CDH12: variants seen among roughly 807,000 people sequenced by gnomAD.
The protein encoded by CDH12 is cadherin-12.
Under a neutral mutation model 74.1 loss-of-function variants are expected in CDH12, and 41 were observed. That is an observed-to-expected ratio of 0.55 (90% CI 0.43 to 0.72). The LOEUF is 0.72. Among genes scored for constraint, CDH12 ranks in the 30% least tolerant of loss-of-function variants. The probability of loss-of-function intolerance (pLI) is 0.00; values close to 1 mark genes in which losing one functional copy is unlikely to be tolerated. For synonymous variants in CDH12, 399 were observed against 355.0 expected (o/e 1.12, Z -1.39); for missense variants, 945 against 977.2 (o/e 0.97, Z 0.44).
At chr5:22,191,552 G>GTTTTT (rs1750276816) in intron 4 of CDH12, among the ~76,000 whole-genome samples, 1 of 109,702 alleles carries the variant, frequency 9.1e-6, no homozygotes, top group African/African-American at 3.2e-5. Context: ...TACACCAATG[G>GTTTTT]TCTTTTTATT....
chr5:22,473,370 A>G (rs1445950653), intron 2 of CDH12, among the ~76,000 whole-genome samples: 1 of 152,122 alleles, frequency 6.6e-6, no homozygotes, highest in African/African-American at 2.4e-5. Flanking sequence ...TCTAAGTTAA[A>G]TTACGAAAGG....
At chr5:22,009,293 C>T (rs922990900) in intron 5 of CDH12, among the ~76,000 whole-genome samples, 4 of 152,184 alleles carry the variant, frequency 2.6e-5, no homozygotes, top group Admixed American at 2.0e-4. Context: ...ACTTTGGCTA[C>T]AGGACTCACC....
At position 22,497,802 on chromosome 5, in the gene CDH12, C is replaced by T. The variant is rs949871556; in HGVS notation, c.-428+7468G>A. Reference sequence around the variant, plus strand: ...GAATTACAGACATGTGCGTCCACACCGGGATAATTTTTGTATTTTTAGTAG... The same window carrying T: ...GAATTACAGACATGTGCGTCCACACTGGGATAATTTTTGTATTTTTAGTAG... On this transcript the variant is annotated intron_variant, in intron 2 of 14. Transcript: ENST00000382254. Among the ~76,000 whole-genome samples the T allele has an allele frequency of 3.3e-5, 5 of 151,722 alleles. No homozygotes were observed. In the East Asian group the frequency reaches 5.8e-4, roughly 18 times the overall value.
At chr5:22,601,792 C>A (rs751235452) in intron 1 of CDH12, among the ~76,000 whole-genome samples, 24 of 151,888 alleles carry the variant, frequency 1.6e-4, no homozygotes, top group Non-Finnish European at 2.5e-4. Flanking sequence ...TTTTAGGAAA[C>A]AAGGATGGGG....
chr5:22,019,641 C>T (rs905327570), intron 5 of CDH12, among the ~76,000 whole-genome samples: 4 of 152,176 alleles, frequency 2.6e-5, no homozygotes. Context: ...GAACCAAACA[C>T]TGATGGCACC....
chr5:22,600,582 C>T (rs1736809791), intron 1 of CDH12, among the ~76,000 whole-genome samples: 1 of 151,682 alleles, frequency 6.6e-6, no homozygotes, highest in African/African-American at 2.4e-5. Flanking sequence ...TTTTTATATC[C>T]CTATGCTACC....
intron 1 of CDH12, among the ~76,000 whole-genome samples, chr5:22,529,932 T>C (rs1737511521): frequency 6.6e-6 from 1 of 152,184 alleles, no homozygotes; most frequent in South Asian, 2.1e-4. Context: ...TAGAAAGTTC[T>C]TCTGGGCAAC....
At chr5:22,009,510 C>G (rs145485969) in intron 5 of CDH12, among the ~76,000 whole-genome samples, 14 of 152,074 alleles carry the variant, frequency 9.2e-5, no homozygotes, top group African/African-American at 2.9e-4. Flanking sequence ...TTAGAACTGA[C>G]GAGTAAGTAG....
At position 21,967,357 on chromosome 5, in the gene CDH12, C is replaced by T. The variant is rs187598034; in HGVS notation, c.526+7734G>A. ...AAATAGTCCCGCAGCTGGAAGGCAA[C>T]TTTAAAGAAAAATGATGTTCATAGC... On this transcript the variant is annotated intron_variant, in intron 6 of 14. Transcript: ENST00000382254. 9.7e-4 allele frequency among the ~76,000 whole-genome samples: 147 copies of T among 152,218 alleles called. 2 individuals carry two copies. The highest frequency in any genetic ancestry group is 3.4e-3 in the Middle Eastern group (1 of 294).
chr5:21,819,896 A>G (rs1316076747), intron 8 of CDH12, among the ~76,000 whole-genome samples: 6 of 151,970 alleles, frequency 3.9e-5, no homozygotes, highest in African/African-American at 1.4e-4. Context: ...ATTCCATCCA[A>G]TCCATTCAAT....
chr5:22,798,562 C>T (rs1347299966), intron 1 of CDH12, among the ~76,000 whole-genome samples: 3 of 151,916 alleles, frequency 2.0e-5, no homozygotes, highest in African/African-American at 7.2e-5. Flanking sequence ...TTATTTTTAT[C>T]ATATGAGTTT....
intron 5 of CDH12, among the ~76,000 whole-genome samples, chr5:22,048,667 T>C (rs1740132176): frequency 6.6e-6 from 1 of 151,846 alleles, no homozygotes; most frequent in Non-Finnish European, 1.5e-5. Flanking sequence ...CACAAAAGAA[T>C]TGTGAGAGGA....
intron 5 of CDH12, among the ~76,000 whole-genome samples, chr5:22,037,153 A>C (rs1739250076): frequency 6.6e-6 from 1 of 152,222 alleles, no homozygotes; most frequent in Non-Finnish European, 1.5e-5. Context: ...ATGGTGGGCA[A>C]AATAATGCCT....
intron 3 of CDH12, among the ~76,000 whole-genome samples, chr5:22,220,982 T>G (rs1751993652): frequency 6.6e-6 from 1 of 150,858 alleles, no homozygotes; most frequent in Admixed American, 6.6e-5. Flanking sequence ...AGAAGATACC[T>G]TCATCAAATA....
At chr5:22,713,466 C>G (rs1385062079) in intron 1 of CDH12, among the ~76,000 whole-genome samples, 2 of 151,982 alleles carry the variant, frequency 1.3e-5, no homozygotes, top group African/African-American at 4.8e-5. Context: ...CTTTAGCCTT[C>G]TTGTCTTAGT....
rs557873127 is a variant in CDH12 at position 22,054,372 on chromosome 5, T to C, written c.231+24074A>G. 5.9e-5 allele frequency among the ~76,000 whole-genome samples: 9 copies of C among 152,176 alleles called. No homozygotes were observed. In the South Asian group the frequency reaches 1.9e-3, roughly 31 times the overall value. On this transcript the variant is annotated intron_variant, in intron 5 of 14. Coordinates refer to ENST00000382254, the MANE Select transcript of CDH12 (RefSeq NM_004061.5). ...AGATATCTGGTAGAGATTTGAGTTT[T>C]ATATTTTTGAAACTAGAAAACTTTT...
intron 1 of CDH12, among the ~76,000 whole-genome samples, chr5:22,737,352 C>CA (rs1328887733): frequency 1.3e-5 from 2 of 151,722 alleles, no homozygotes; most frequent in African/African-American, 4.8e-5. Context: ...ATAATAATAA[C>CA]AAAAAAACTT....
chr5:21,895,868 C>T (rs116731472), intron 6 of CDH12, among the ~76,000 whole-genome samples: 16 of 152,136 alleles, frequency 1.1e-4, no homozygotes, highest in African/African-American at 3.9e-4. Flanking sequence ...GCAAACACAG[C>T]CTGGGAGCCC....
At chr5:22,674,211 T>G (rs932698851) in intron 1 of CDH12, among the ~76,000 whole-genome samples, 3 of 152,206 alleles carry the variant, frequency 2.0e-5, no homozygotes, top group African/African-American at 7.2e-5. Flanking sequence ...CATCTTGAAT[T>G]CTGATGTTGT....
Sources: gnomAD v4.1 joint callset for allele counts (sites outside exome capture counted in the v4.1 genomes callset) on GRCh38, gnomAD v4.1.1 for gene constraint, MANE v1.5 for transcripts, NCBI Gene and HGNC (gene_info 2026-07-23, HGNC 2026-07-21) for gene names.